The following SHMT1 variants were observed in gnomAD, a reference collection of about 807,000 sequenced individuals.
SHMT1 encodes serine hydroxymethyltransferase 1.
SHMT1 carries 45 observed loss-of-function variants against 49.0 expected under a neutral mutation model. The observed-to-expected ratio is 0.92, with a 90% CI of 0.72 to 1.18. The LOEUF (loss-of-function observed/expected upper bound fraction) is 1.18, where lower values mean the gene tolerates loss of function less well. Among genes scored for constraint, SHMT1 ranks in the 50% most tolerant of loss-of-function variants. The probability of loss-of-function intolerance (pLI) is 0.00; values close to 1 mark genes in which losing one functional copy is unlikely to be tolerated. For missense variants in SHMT1, 541 were observed against 612.4 expected (o/e 0.88, Z 1.23); for synonymous variants, 232 against 246.6 (o/e 0.94, Z 0.55).
chr17:18,348,743 G>C (rs748358725), intron 3 of SHMT1: 5 of 532,070 alleles, frequency 9.4e-6, no homozygotes, highest in Non-Finnish European at 1.9e-5. Context: ...GAGGAGCCAA[G>C]GCAGGAGGAT....
chr17:18,354,406 CAA>C (rs1986024793), intron 2 of SHMT1, among the ~76,000 whole-genome samples: 1 of 151,926 alleles, frequency 6.6e-6, no homozygotes, highest in African/African-American at 2.4e-5. Context: ...GCGACAAGAA[CAA>C]AACTCTGTCT....
chr17:18,362,172 G>A (rs889061100), intron 1 of SHMT1, among the ~76,000 whole-genome samples: 1 of 152,220 alleles, frequency 6.6e-6, no homozygotes, highest in African/African-American at 2.4e-5. Flanking sequence ...AGCCATATAA[G>A]AGCCAGAATC....
chr17:18,351,225 C>T (rs1985662229), intron 3 of SHMT1, among the ~76,000 whole-genome samples: 1 of 151,980 alleles, frequency 6.6e-6, no homozygotes, highest in African/African-American at 2.4e-5. Flanking sequence ...ACTGCAAACT[C>T]CACCTCCCAG....
intron 10 of SHMT1, 93 bp downstream of exon 10, chr17:18,330,462 G>T: frequency 1.0e-6 from 1 of 958,562 alleles, no homozygotes; most frequent in Non-Finnish European, 1.7e-6. Context: ...TGTGAGGTCT[G>T]TCCCCGGAGC....
rs535833492 is a variant in SHMT1 at position 18,358,896 on chromosome 17, C to CTG, written c.-19-2898_-19-2897dup. ...CCAGCCTGGGTGACAGAGTAAGACC[C>CTG]TGTGTGTGTGTGTTTTTTTCTTTTA... On this transcript the variant is annotated intron_variant, in intron 1 of 11. Coordinates refer to ENST00000316694, the MANE Select transcript of SHMT1 (RefSeq NM_004169.5). Among the ~76,000 whole-genome samples the CTG allele has an allele frequency of 3.0e-4, 45 of 151,988 alleles. No individual in the cohort carries two copies. In the South Asian group the frequency reaches 5.0e-3, roughly 17 times the overall value.
chr17:18,334,494 C>T (rs1033677376), intron 8 of SHMT1, among the ~76,000 whole-genome samples: 1 of 152,222 alleles, frequency 6.6e-6, no homozygotes, highest in Non-Finnish European at 1.5e-5. Flanking sequence ...ATGGATTTTA[C>T]ATCCTTTTTA....
chr17:18,337,608 C>A (rs1042045488), intron 7 of SHMT1, among the ~76,000 whole-genome samples: 22 of 150,616 alleles, frequency 1.5e-4, no homozygotes, highest in Non-Finnish European at 2.7e-4. Flanking sequence ...TCCACGGTCT[C>A]CCTCTGATGC....
Position 18,351,035 on chromosome 17 carries a change from T to C in SHMT1, c.243-2595A>G, listed in dbSNP as rs139439527. Reference sequence around the variant, plus strand: ...GGTGTGAACCACCACGCCTTGCCTATTGTTTTCAAATATTGCCTTTGATTT... The same window carrying C: ...GGTGTGAACCACCACGCCTTGCCTACTGTTTTCAAATATTGCCTTTGATTT... On this transcript the variant is annotated intron_variant, in intron 3 of 11. Transcript: ENST00000316694. Among the ~76,000 whole-genome samples, 34 of 152,248 alleles carry C rather than the reference T, an allele frequency of 2.2e-4. No individual in the cohort carries two copies. In the East Asian group the frequency reaches 6.4e-3, roughly 29 times the overall value.
chr17:18,348,170 T>G (rs754489023), intron 4 of SHMT1, 155 bp downstream of exon 4: 33 of 678,216 alleles, frequency 4.9e-5, no homozygotes, highest in Non-Finnish European at 8.4e-5. Context: ...TCTGCCTGCC[T>G]CCGCCTCCCA....
intron 3 of SHMT1, among the ~76,000 whole-genome samples, chr17:18,349,778 TG>T (rs1284975359): frequency 6.6e-6 from 1 of 151,960 alleles, no homozygotes; most frequent in Non-Finnish European, 1.5e-5. Context: ...CTCAGCACTT[TG>T]GGAGGCCGAA....
intron 11 of SHMT1, 23 bp downstream of exon 11, chr17:18,329,254 CA>C (rs761819711): frequency 2.6e-6 from 4 of 1,521,934 alleles, no homozygotes; most frequent in Non-Finnish European, 3.6e-6. Context: ...TAAGATGTGG[CA>C]ACTTCCAAAC....
intron 1 of SHMT1, among the ~76,000 whole-genome samples, chr17:18,360,784 C>G (rs1986685604): frequency 6.6e-6 from 1 of 152,060 alleles, no homozygotes; most frequent in Non-Finnish European, 1.5e-5. Flanking sequence ...GGTCAGAAAT[C>G]AGGCTTGCAC....
intron 7 of SHMT1, among the ~76,000 whole-genome samples, chr17:18,337,084 T>A (rs567050285): frequency 1.3e-5 from 1 of 74,250 alleles, no homozygotes; most frequent in Admixed American, 1.1e-4. Flanking sequence ...CGGTAACATC[T>A]ATCTAGAGCT....
intron 1 of SHMT1, among the ~76,000 whole-genome samples, chr17:18,359,551 C>T (rs1445316253): frequency 1.3e-5 from 2 of 151,898 alleles, no homozygotes; most frequent in Non-Finnish European, 2.9e-5. Flanking sequence ...TGGCACACAC[C>T]TGAGGCATGA....
At chr17:18,346,863 T>C (rs1357389587) in intron 5 of SHMT1, among the ~76,000 whole-genome samples, 1 of 152,156 alleles carries the variant, frequency 6.6e-6, no homozygotes, top group African/African-American at 2.4e-5. Context: ...AAAAGCAGAA[T>C]GGTCGTATGG....
chr17:18,330,173 T>C (rs1983041275), intron 10 of SHMT1, among the ~76,000 whole-genome samples: 1 of 151,170 alleles, frequency 6.6e-6, no homozygotes, highest in Non-Finnish European at 1.5e-5. Flanking sequence ...TCTCATTCTG[T>C]TGCTAAGGCT....
chr17:18,362,558 A>C (rs1338136266), intron 1 of SHMT1, among the ~76,000 whole-genome samples: 1 of 152,034 alleles, frequency 6.6e-6, no homozygotes, highest in African/African-American at 2.4e-5. Flanking sequence ...TACTAACCTC[A>C]AGTGATCCGC....
intron 1 of SHMT1, among the ~76,000 whole-genome samples, chr17:18,359,718 C>A (rs1348697928): frequency 3.3e-5 from 5 of 151,790 alleles, no homozygotes; most frequent in Non-Finnish European, 7.4e-5. Flanking sequence ...GAGGCCAAGG[C>A]GGGCAGACCA....
intron 7 of SHMT1, among the ~76,000 whole-genome samples, chr17:18,336,151 C>G (rs1015931287): frequency 6.6e-6 from 1 of 152,056 alleles, no homozygotes; most frequent in African/African-American, 2.4e-5. Flanking sequence ...GTGGTGTGCA[C>G]CTGTAGTCCC....
Sources: gnomAD v4.1 joint callset for allele counts (sites outside exome capture counted in the v4.1 genomes callset) on GRCh38, gnomAD v4.1.1 for gene constraint, MANE v1.5 for transcripts, NCBI Gene and HGNC (gene_info 2026-07-23, HGNC 2026-07-21) for gene names.